The following ABHD2 variants were observed in gnomAD, a reference collection of about 807,000 sequenced individuals.
ABHD2 encodes abhydrolase domain containing 2, acylglycerol lipase.
Under a neutral mutation model 48.1 loss-of-function variants are expected in ABHD2, and 20 were observed. The ratio of observed to expected loss-of-function variants is 0.42; its 90% CI spans 0.29 to 0.60. ABHD2 has a LOEUF of 0.60. Ranked by LOEUF, ABHD2 falls within the 20% of genes least tolerant of loss-of-function variation. ABHD2 has a pLI of 0.24. For synonymous variants in ABHD2, 209 were observed against 214.2 expected (o/e 0.98, Z 0.21); for missense variants, 405 against 550.9 (o/e 0.74, Z 2.65).
At chr15:89,144,609 T>C (rs1208286006) in intron 3 of ABHD2, among the ~76,000 whole-genome samples, 2 of 152,212 alleles carry the variant, frequency 1.3e-5, no homozygotes, top group Admixed American at 1.3e-4. Context: ...ATGTTGATAA[T>C]TCTGTTGATA....
At chr15:89,060,241 C>A in the ABHD2 span, among the ~76,000 whole-genome samples, 1 of 151,842 alleles carries the variant, frequency 6.6e-6, no homozygotes, top group Non-Finnish European at 1.5e-5. Context: ...CAGGCACCCA[C>A]AACCATGCCC....
In ABHD2 at chr15:89,195,415, C is replaced by T. The variant is rs1229326413; in HGVS notation, c.1270C>T (p.Leu424=). 3.7e-6 allele frequency: 6 copies of T among 1,613,014 alleles called. No individual in the cohort carries two copies. The highest frequency in any genetic ancestry group is 1.7e-4 in the Middle Eastern group (1 of 5,904). Residue 424 remains leucine (L), a synonymous_variant, in exon 11 of 11, where the codon CTG becomes TTG. Transcript: ENST00000352732. This position sits in a 1 kb window ranked among gnomAD's most constrained non-coding sequence, Gnocchi z 5.1. Reference sequence around the variant, plus strand: ...TGACACGGAGCAGGTGGAGGCCGACCTGGAGTGAGGCCTCCGGACTCTGGC... The same window carrying T: ...TGACACGGAGCAGGTGGAGGCCGACTTGGAGTGAGGCCTCCGGACTCTGGC... The part of the protein sequence containing the change: ...CSDTEQVEAD[L]E
chr15:89,165,804 C>A (rs1441933656), intron 5 of ABHD2, among the ~76,000 whole-genome samples: 1 of 152,198 alleles, frequency 6.6e-6, no homozygotes, highest in Non-Finnish European at 1.5e-5. Context: ...CTTAATTGAC[C>A]TTCTAAACTA....
intron 5 of ABHD2, among the ~76,000 whole-genome samples, chr15:89,159,711 A>C (rs2050733354): frequency 6.6e-6 from 1 of 152,220 alleles, no homozygotes; most frequent in African/African-American, 2.4e-5. Context: ...AGATGAGGTG[A>C]ATCCATCAGG....
chr15:89,121,045 C>CT (rs965421953), intron 3 of ABHD2, among the ~76,000 whole-genome samples: 6 of 152,188 alleles, frequency 3.9e-5, no homozygotes, highest in Non-Finnish European at 5.9e-5. Flanking sequence ...TCACGTTTGA[C>CT]TTTTTTATAG....
chr15:89,137,751 T>C lies in ABHD2; in HGVS notation c.195-13926T>C, dbSNP rs1368656638. ...GGAAAATGCTGTGTTCAAAGTGGATTTCTGATGAGCCTATTAATGGGTGTT... is the reference window on the plus strand; with the variant it reads ...GGAAAATGCTGTGTTCAAAGTGGATCTCTGATGAGCCTATTAATGGGTGTT... On this transcript the variant is annotated intron_variant, in intron 3 of 10. Coordinates refer to ENST00000352732, the MANE Select transcript of ABHD2 (RefSeq NM_152924.5). The surrounding 1 kb of genome is among the most constrained non-coding windows in gnomAD (Gnocchi z 4.8). Among the ~76,000 whole-genome samples the C allele has an allele frequency of 3.3e-5, 5 of 152,230 alleles. No homozygotes were observed. Among genetic ancestry groups the C allele is most frequent in the Non-Finnish European group, 7.3e-5 (5 of 68,034 alleles).
At chr15:89,172,573 G>GC (rs1378285177) in intron 5 of ABHD2, among the ~76,000 whole-genome samples, 1 of 152,174 alleles carries the variant, frequency 6.6e-6, no homozygotes, top group Non-Finnish European at 1.5e-5. Flanking sequence ...GAATAATGCT[G>GC]CTATAAACAT....
At chr15:89,110,301 A>G (rs2049852688) in intron 1 of ABHD2, among the ~76,000 whole-genome samples, 1 of 151,992 alleles carries the variant, frequency 6.6e-6, no homozygotes, top group South Asian at 2.1e-4. Context: ...GTCTCAAGTG[A>G]TCCGCCCGCC....
In ABHD2 at chr15:89,151,050, C is replaced by T. The variant is rs1294480707; in HGVS notation, c.195-627C>T. Among the ~76,000 whole-genome samples the T allele has an allele frequency of 6.6e-6, 1 of 152,242 alleles. No homozygotes were observed. The highest frequency in any genetic ancestry group is 6.5e-5 in the Admixed American group (1 of 15,290). ...AGCGAGGCTTCATGCCTTGCGTAGG[C>T]TAACAAGCCTTTATCCTTAATCAAT... On this transcript the variant is annotated intron_variant, in intron 3 of 10. Transcript: ENST00000352732. The surrounding 1 kb of genome is among the most constrained non-coding windows in gnomAD (Gnocchi z 4.7).
upstream of ABHD2, chr15:89,082,706 C>T (rs1437006716): frequency 6.6e-6 from 1 of 152,076 alleles, no homozygotes; most frequent in African/African-American, 2.4e-5. This position sits in a 1 kb window ranked among gnomAD's most constrained non-coding sequence, Gnocchi z 4.4. Flanking sequence ...TATATCCATC[C>T]CCACCTAGGA....
At position 89,176,051 on chromosome 15, in the gene ABHD2, G is replaced by A; in HGVS notation, c.722+56G>A. ...TCAGTTAGCCCTTATTTATAGAGAT[G>A]CCCCGACGCACAACACACTGTTCTG... On this transcript the variant is annotated intron_variant, in intron 6 of 10. Coordinates refer to ENST00000352732, the MANE Select transcript of ABHD2 (RefSeq NM_152924.5). The surrounding 1 kb of genome is among the most constrained non-coding windows in gnomAD (Gnocchi z 4.5). 2.7e-6 allele frequency: 4 copies of A among 1,498,944 alleles called. No homozygotes were observed. The highest frequency in any genetic ancestry group is 3.6e-6 in the Non-Finnish European group (4 of 1,109,924). 92.9% of individuals were successfully genotyped at this position (1,498,944 alleles called of 1,614,324 possible). A position where few individuals can be genotyped will look rare whatever the true frequency, so the allele number is the denominator to read the frequency against.
the ABHD2 span, among the ~76,000 whole-genome samples, chr15:89,065,017 T>C: frequency 6.6e-6 from 1 of 152,156 alleles, no homozygotes; most frequent in East Asian, 1.9e-4. Flanking sequence ...TGTAATTTTA[T>C]CATATGAGTA....
Position 89,201,882 on chromosome 15 carries a change from C to T in ABHD2, c.*6459C>T, listed in dbSNP as rs540891798. On this transcript the variant is annotated 3_prime_UTR_variant, in exon 11 of 11. Coordinates refer to ENST00000352732, the MANE Select transcript of ABHD2 (RefSeq NM_152924.5). ...GGCGAGAGGGGAGGGGGAGCGAGTT[C>T]GCATCTCTCCTTTTCCTGGTTAGAC... The T allele has an allele frequency of 1.7e-4, 116 of 674,724 alleles. No individual in the cohort carries two copies. Among genetic ancestry groups the T allele is most frequent in the African/African-American group, 8.6e-4 (48 of 55,594 alleles). The allele number at this position is 674,724 out of a possible 1,614,324, so 41.8% of individuals were successfully genotyped here.
In ABHD2 at chr15:89,099,145, A is replaced by G. The variant is rs188612480; in HGVS notation, c.-107+10582A>G. Among the ~76,000 whole-genome samples the G allele has an allele frequency of 1.3e-4, 20 of 152,346 alleles. No individual in the cohort carries two copies. In the East Asian group the frequency reaches 2.7e-3, roughly 21 times the overall value. On this transcript the variant is annotated intron_variant, in intron 1 of 10. Transcript: ENST00000352732. ...ATGTCGGAGGATGCACTTTGTCAGT[A>G]AGTTAGGCATTCAGTCTTCACTGTC...
intron 6 of ABHD2, among the ~76,000 whole-genome samples, chr15:89,181,248 A>AAAAAC (rs1349391658): frequency 6.6e-6 from 1 of 151,610 alleles, no homozygotes; most frequent in East Asian, 1.9e-4. Context: ...AAAAAAAAAA[A>AAAAAC]AACAAGATGG....
In ABHD2 at chr15:89,155,292, C is replaced by A; in HGVS notation, c.371-75C>A. On this transcript the variant is annotated intron_variant, in intron 4 of 10. Coordinates refer to ENST00000352732, the MANE Select transcript of ABHD2 (RefSeq NM_152924.5). This position sits in a 1 kb window ranked among gnomAD's most constrained non-coding sequence, Gnocchi z 4.9. ...AATTCCCTCCCCTTGTTTTCTAGACCAGTGAAGTGTAATTATGTCCATTTA... is the reference window on the plus strand; with the variant it reads ...AATTCCCTCCCCTTGTTTTCTAGACAAGTGAAGTGTAATTATGTCCATTTA... 2.0e-6 allele frequency: 3 copies of A among 1,479,644 alleles called. No individual in the cohort carries two copies. The highest frequency in any genetic ancestry group is 2.8e-6 in the Non-Finnish European group (3 of 1,077,134). 91.7% of individuals were successfully genotyped at this position (1,479,644 alleles called of 1,614,324 possible).
In ABHD2 at chr15:89,110,378, C is replaced by A. The variant is rs535618331; in HGVS notation, c.-106-3347C>A. ...CACCCGGCCTTATTGTCTTTTTTTT[C>A]AAAAATTTTCATCTGATTGGTTGAA... On this transcript the variant is annotated intron_variant, in intron 1 of 10. Transcript: ENST00000352732. Among the ~76,000 whole-genome samples the A allele has an allele frequency of 2.6e-5, 4 of 152,010 alleles. No individual in the cohort carries two copies. In the East Asian group the frequency reaches 7.7e-4, roughly 29 times the overall value.
At position 89,116,086 on chromosome 15, in the gene ABHD2, G is replaced by T. The variant is rs2049955751; in HGVS notation, c.-6-236G>T. ...AGAAATGCTTGTGAAATTATAAAAA[G>T]AAAACACAGTACCCAGTTTATCCAT... On this transcript the variant is annotated intron_variant, in intron 2 of 10. Coordinates refer to ENST00000352732, the MANE Select transcript of ABHD2 (RefSeq NM_152924.5). This position sits in a 1 kb window ranked among gnomAD's most constrained non-coding sequence, Gnocchi z 4.6. Among the ~76,000 whole-genome samples, 1 of 152,152 alleles carries T rather than the reference G, an allele frequency of 6.6e-6. No homozygotes were observed. The highest frequency in any genetic ancestry group is 1.5e-5 in the Non-Finnish European group (1 of 68,026).
chr15:89,184,214 G>A lies in ABHD2; in HGVS notation c.723-1210G>A, dbSNP rs766479514. Among the ~76,000 whole-genome samples, 6 of 152,080 alleles carry A rather than the reference G, an allele frequency of 3.9e-5. No homozygotes were observed. Among genetic ancestry groups the A allele is most frequent in the Non-Finnish European group, 8.8e-5 (6 of 68,026 alleles). On this transcript the variant is annotated intron_variant, in intron 6 of 10. Coordinates refer to ENST00000352732, the MANE Select transcript of ABHD2 (RefSeq NM_152924.5). The surrounding 1 kb of genome is among the most constrained non-coding windows in gnomAD (Gnocchi z 5.1). ...TTATTTTTTAACCACGACATTGTGG[G>A]AAATGTTTGTCACTCCAAAACTGTG...
Sources: allele counts gnomAD v4.1 joint callset (sites outside exome capture counted in the v4.1 genomes callset), GRCh38; gene constraint gnomAD v4.1.1; non-coding constraint Gnocchi (gnomAD v3.1); transcripts MANE v1.5; gene names NCBI Gene and HGNC (gene_info 2026-07-23, HGNC 2026-07-21).